Variants in ITLN2 observed in about 807,000 individuals in gnomAD.
The protein encoded by ITLN2 is intelectin-2.
ITLN2 carries 29 observed loss-of-function variants against 39.4 expected under a neutral mutation model. That is an observed-to-expected ratio of 0.74 (90% CI 0.55 to 1.00). The LOEUF is 1.00. Among genes scored for constraint, ITLN2 ranks in the 50% least tolerant of loss-of-function variants. ITLN2 has a pLI of 0.00. For missense variants in ITLN2, 412 were observed against 416.7 expected (o/e 0.99, Z 0.10); for synonymous variants, 156 against 153.4 (o/e 1.02, Z -0.12).
chr1:160,945,240 C>G lies in ITLN2; in HGVS notation c.878G>C (p.Gly293Ala). Residue 293 changes from glycine to alanine, a missense_variant, in exon 8 of 8, where the codon GGG becomes GCG. Physicochemically the swap from Gly to Ala is moderately conservative, Grantham distance 60 (BLOSUM62 0). Coordinates refer to ENST00000368029, the MANE Select transcript of ITLN2 (RefSeq NM_080878.3). The stretch of plus-strand genomic sequence containing the variant: ...ATCCCAGTCAAAGGCGGAGAAGTCC[C>G]CACACTGACGGGGTTTGCCCTGTGG... ...FFPQGKPRQCGDFSAFDWDGY... is the reference protein window; with the variant it reads ...FFPQGKPRQCADFSAFDWDGY... The G allele has an allele frequency of 6.2e-7, 1 of 1,605,112 alleles. No homozygotes were observed. Among genetic ancestry groups the G allele is most frequent in the Non-Finnish European group, 8.5e-7 (1 of 1,177,808 alleles).
chr1:160,951,419 G>T, intron 3 of ITLN2, 129 bp from the exon 4 acceptor site: 1 of 1,230,268 alleles, frequency 8.1e-7, no homozygotes, highest in Non-Finnish European at 1.1e-6. Context: ...GCTGGAAGAC[G>T]ATGCTCCATG....
Position 160,952,562 on chromosome 1 carries a change from C to T in ITLN2, c.193+58G>A, listed in dbSNP as rs1410510241. On this transcript the variant is annotated intron_variant, in intron 3 of 7. Coordinates refer to ENST00000368029, the MANE Select transcript of ITLN2 (RefSeq NM_080878.3). ...GTCCCTCCTGATTTCCATGACTGGGCTCTGTTGAGCTAAAAAGTGGCTTCA... is the reference window on the plus strand; with the variant it reads ...GTCCCTCCTGATTTCCATGACTGGGTTCTGTTGAGCTAAAAAGTGGCTTCA... 4.3e-6 allele frequency: 5 copies of T among 1,169,924 alleles called. No individual in the cohort carries two copies. In the African/African-American group the frequency reaches 7.5e-5, roughly 18 times the overall value. The allele number at this position is 1,169,924 out of a possible 1,614,324, so 72.5% of individuals were successfully genotyped here.
chr1:160,952,627 A>G lies in ITLN2; in HGVS notation c.186T>C (p.Ser62=). The G allele has an allele frequency of 1.2e-6, 2 of 1,611,748 alleles. No homozygotes were observed. Among genetic ancestry groups the G allele is most frequent in the South Asian group, 1.1e-5 (1 of 91,048 alleles). Residue 62 remains serine (S), a synonymous_variant, in exon 3 of 8, where the codon AGT becomes AGC. Transcript: ENST00000368029. ...SCKEIKERCH[S]AGDGLYFLRT... ...AGTTGGTTCATTACTCACCACCTGC[A>G]CTATGGCAGCGTTCCTTGATTTCTT... is the stretch of plus-strand genomic sequence containing the variant.
chr1:160,952,730 G>C lies in ITLN2; in HGVS notation c.83C>G (p.Ala28Gly). The change falls in exon 3 of 8, where the codon GCA becomes GGA. Residue 28 changes from alanine to glycine, a missense_variant. Transcript: ENST00000368029. The part of the protein sequence containing the change: ...SVATSGCSAA[A>G]ASSLEMLSRE... ...CGAGAGCATCTCAAGAGAAGAGGCT[G>C]CTGCTAGAAAATGTGAGAATGAGTC... 6.2e-7 allele frequency: 1 copy of C among 1,611,480 alleles called. No individual in the cohort carries two copies. The highest frequency in any genetic ancestry group is 8.5e-7 in the Non-Finnish European group (1 of 1,178,030).
intron 3 of ITLN2, chr1:160,951,587 G>T: frequency 3.2e-6 from 1 of 308,300 alleles, no homozygotes. Context: ...CCAGAAATCA[G>T]CACACGCCAC....
intron 7 of ITLN2, among the ~76,000 whole-genome samples, chr1:160,946,362 T>C (rs1166554046): frequency 6.6e-6 from 1 of 151,930 alleles, no homozygotes; most frequent in African/African-American, 2.4e-5. Flanking sequence ...TAAATTATAC[T>C]CAACTTCTGG....
chr1:160,954,287 C>G (rs2101941862), intron 2 of ITLN2, 100 bp downstream of exon 2: 1 of 919,270 alleles, frequency 1.1e-6, no homozygotes, highest in Non-Finnish European at 1.7e-6. Flanking sequence ...TCCCCTTTGA[C>G]CCTTGACTTC....
intron 4 of ITLN2, 117 bp from the exon 5 acceptor site, chr1:160,950,828 C>T: frequency 6.8e-7 from 1 of 1,481,058 alleles, no homozygotes; most frequent in Non-Finnish European, 9.2e-7. Context: ...GATGGCCAGC[C>T]ACGCTCAGAC....
intron 3 of ITLN2, chr1:160,951,557 C>CTTTCTTAATGAT: frequency 2.4e-6 from 1 of 409,730 alleles, no homozygotes; most frequent in Non-Finnish European, 4.3e-6. Flanking sequence ...TCGACAGTGC[C>CTTTCTTAATGAT]ACCCTGTGGC....
rs756866240 is a variant in ITLN2 at position 160,954,415 on chromosome 1, G to T, written c.51C>A (p.Phe17Leu). 2 of 1,580,514 alleles carry T rather than the reference G, an allele frequency of 1.3e-6. No homozygotes were observed. The highest frequency in any genetic ancestry group is 1.7e-4 in the Middle Eastern group (1 of 6,034). ...TMTRLCFLLFFSVATSGCSAA... is the reference protein window; with the variant it reads ...TMTRLCFLLFLSVATSGCSAA... ...CACTGCACCCACTGGTGGCCACAGA[G>T]AAGAATAACAGGAAGCAGAGTCTGG... Residue 17 changes from phenylalanine to leucine, a missense_variant, in exon 2 of 8, where the codon TTC becomes TTA. Coordinates refer to ENST00000368029, the MANE Select transcript of ITLN2 (RefSeq NM_080878.3).
chr1:160,945,194 C>G lies in ITLN2; in HGVS notation c.924G>C (p.Lys308Asn). 1.2e-6 allele frequency: 2 copies of G among 1,607,706 alleles called. No homozygotes were observed. Among genetic ancestry groups the G allele is most frequent in the Non-Finnish European group, 1.7e-6 (2 of 1,178,304 alleles). The change falls in exon 8 of 8, where the codon AAG becomes AAC. Residue 308 changes from lysine (K) to asparagine (N), a missense_variant. Lys to Asn is a moderately conservative substitution (Grantham distance 94). Coordinates refer to ENST00000368029, the MANE Select transcript of ITLN2 (RefSeq NM_080878.3). ...CCGTTATCTCCCGACTGCAGCTGCT[C>G]TTAACGTGAGTTCCATATCCATCCC... ...FDWDGYGTHV[K>N]SSCSREITEA...
At chr1:160,950,823 C>T in intron 4 of ITLN2, 112 bp from the exon 5 acceptor site, 1 of 1,501,946 alleles carries the variant, frequency 6.7e-7, no homozygotes. Context: ...AGGCAGATGG[C>T]CAGCCACGCT....
At chr1:160,951,419 G>A (rs1186211455) in intron 3 of ITLN2, 129 bp from the exon 4 acceptor site, 9 of 1,230,152 alleles carry the variant, frequency 7.3e-6, no homozygotes, top group African/African-American at 1.5e-5. Flanking sequence ...GCTGGAAGAC[G>A]ATGCTCCATG....
At chr1:160,952,530 T>A in intron 3 of ITLN2, 90 bp downstream of exon 3, 1 of 879,562 alleles carries the variant, frequency 1.1e-6, no homozygotes, top group East Asian at 2.5e-5. Flanking sequence ...AGGCTCCATA[T>A]GGATATGTCC....
In ITLN2 at chr1:160,951,189, C is replaced by T. The variant is rs770677250; in HGVS notation, c.295G>A (p.Glu99Lys). 81 of 1,614,018 alleles carry T rather than the reference C, an allele frequency of 5.0e-5. 1 individual carries two copies. The highest frequency in any genetic ancestry group is 3.5e-4 in the South Asian group (32 of 91,080). Residue 99 changes from glutamate to lysine, a missense_variant, in exon 4 of 8, where the codon GAG (glutamate) becomes AAG (lysine). Physicochemically the swap from Glu to Lys is moderately conservative, Grantham distance 56. Coordinates refer to ENST00000368029, the MANE Select transcript of ITLN2 (RefSeq NM_080878.3). ...GGWTLVASVHENDMRGKCTVG... is the reference protein window; with the variant it reads ...GGWTLVASVHKNDMRGKCTVG... Reference sequence around the variant, plus strand: ...GTGCACTTCCCACGCATGTCATTCTCGTGCACGCTGGCCACCAGGGTCCAG... The same window carrying T: ...GTGCACTTCCCACGCATGTCATTCTTGTGCACGCTGGCCACCAGGGTCCAG...
intron 5 of ITLN2, among the ~76,000 whole-genome samples, 162 bp from the exon 6 acceptor site, chr1:160,950,328 T>C (rs1671711729): frequency 6.6e-6 from 1 of 152,176 alleles, no homozygotes. Context: ...CCAAACCCCT[T>C]GTCCCTGTCT....
At chr1:160,953,550 A>T (rs1046058109) in intron 2 of ITLN2, among the ~76,000 whole-genome samples, 1 of 152,116 alleles carries the variant, frequency 6.6e-6, no homozygotes, top group Non-Finnish European at 1.5e-5. Flanking sequence ...TCTCTACTAA[A>T]AATACAAAAA....
intron 6 of ITLN2, chr1:160,949,817 T>C (rs778102127): frequency 1.8e-5 from 9 of 497,238 alleles, no homozygotes; most frequent in Non-Finnish European, 3.3e-5. Context: ...AAGGTGGTGA[T>C]GAAGAAACCT....
In ITLN2 at chr1:160,950,092, A is replaced by G. The variant is rs1305303110; in HGVS notation, c.675T>C (p.Phe225=). Residue 225 remains phenylalanine, a synonymous_variant, in exon 6 of 8, where the codon TTT becomes TTC. Coordinates refer to ENST00000368029, the MANE Select transcript of ITLN2 (RefSeq NM_080878.3). The part of the protein sequence containing the change: ...NGPAIPVVYD[F]GDAKKTASYY... ...AAGATGCAGTCTTCTTAGCATCACCAAAGTCATAGACCACAGGTATGGCTG... is the reference window on the plus strand; with the variant it reads ...AAGATGCAGTCTTCTTAGCATCACCGAAGTCATAGACCACAGGTATGGCTG... 2 of 1,613,912 alleles carry G rather than the reference A, an allele frequency of 1.2e-6. No homozygotes were observed. Among genetic ancestry groups the G allele is most frequent in the Middle Eastern group, 1.7e-4 (1 of 6,058 alleles).
Sources: gnomAD v4.1 joint callset for allele counts (sites outside exome capture counted in the v4.1 genomes callset) on GRCh38, gnomAD v4.1.1 for gene constraint, MANE v1.5 for transcripts, NCBI Gene and HGNC (gene_info 2026-07-23, HGNC 2026-07-21) for gene names.